Variants in SMYD3 observed in about 807,000 individuals in gnomAD.
SMYD3 encodes the protein histone-lysine N-methyltransferase SMYD3.
In SMYD3, 36 loss-of-function variants were observed where a neutral mutation model predicts 57.7. The observed-to-expected ratio is 0.62, with a 90% CI of 0.48 to 0.82. The LOEUF is 0.82. SMYD3 is among the 40% of genes least tolerant of loss of function. SMYD3 has a pLI of 0.00. For synonymous variants in SMYD3, 211 were observed against 195.0 expected, an observed-to-expected ratio of 1.08 and a Z score of -0.68; for missense variants, 515 against 538.8, an observed-to-expected ratio of 0.96 and a Z score of 0.44.
intron 1 of SMYD3, among the ~76,000 whole-genome samples, chr1:246,448,412 A>T (rs1229547175): frequency 6.6e-6 from 1 of 152,212 alleles, no homozygotes; most frequent in Non-Finnish European, 1.5e-5. Context: ...CAGAACTTTG[A>T]ATATGTTATA....
At chr1:246,239,747 C>T (rs1233276486) in intron 5 of SMYD3, among the ~76,000 whole-genome samples, 1 of 151,782 alleles carries the variant, frequency 6.6e-6, no homozygotes, top group African/African-American at 2.4e-5. Context: ...TCTTCTCCAG[C>T]ACCTGTTGTT....
intron 5 of SMYD3, among the ~76,000 whole-genome samples, chr1:245,936,363 A>ATTT (rs34105057): frequency 1.1e-3 from 164 of 148,982 alleles, no homozygotes; most frequent in Admixed American, 1.7e-3. Context: ...ACGTAATCTT[A>ATTT]TTTTTTTTTT....
At chr1:246,454,991 T>G (rs1192476475) in intron 1 of SMYD3, among the ~76,000 whole-genome samples, 3 of 152,186 alleles carry the variant, frequency 2.0e-5, no homozygotes, top group Non-Finnish European at 2.9e-5. Flanking sequence ...ACAACAAATT[T>G]ATAACTGAAG....
rs142987465 is a variant in SMYD3 at position 245,812,111 on chromosome 1, C to T, written c.1076+46385G>A. On this transcript the variant is annotated intron_variant, in intron 10 of 11. Coordinates refer to ENST00000490107, the MANE Select transcript of SMYD3 (RefSeq NM_001167740.2). Reference sequence around the variant, plus strand: ...TGAGATTGGCATGATCTCCGGGATACGAGTCTGCAGGCCACATCAGCCAGT... The same window carrying T: ...TGAGATTGGCATGATCTCCGGGATATGAGTCTGCAGGCCACATCAGCCAGT... Among the ~76,000 whole-genome samples, 494 of 152,212 alleles carry T rather than the reference C, an allele frequency of 3.2e-3. 2 individuals carry two copies. Among genetic ancestry groups the T allele is most frequent in the African/African-American group, 0.011 (443 of 41,514 alleles).
At chr1:246,433,386 C>A (rs917138420) in intron 1 of SMYD3, among the ~76,000 whole-genome samples, 1 of 152,182 alleles carries the variant, frequency 6.6e-6, no homozygotes, top group Admixed American at 6.5e-5. Flanking sequence ...TGGCCACACT[C>A]GCGGTGGCTC....
chr1:246,453,043 T>C (rs550718655), intron 1 of SMYD3, among the ~76,000 whole-genome samples: 1 of 152,406 alleles, frequency 6.6e-6, no homozygotes, highest in South Asian at 2.1e-4. Flanking sequence ...CAGTGCTTAC[T>C]ATATGTCAGA....
At chr1:245,950,550 T>G (rs2057593247) in intron 5 of SMYD3, among the ~76,000 whole-genome samples, 1 of 152,234 alleles carries the variant, frequency 6.6e-6, no homozygotes, top group Admixed American at 6.5e-5. Context: ...TCTGGCCTTC[T>G]TGACTCTTAA....
At chr1:246,476,808 T>G (rs539587051) in intron 1 of SMYD3, among the ~76,000 whole-genome samples, 3 of 152,360 alleles carry the variant, frequency 2.0e-5, no homozygotes, top group African/African-American at 4.8e-5. Flanking sequence ...TTTTCTTTTT[T>G]GCAGACAAGC....
chr1:246,034,295 T>C (rs1266478211), intron 5 of SMYD3, among the ~76,000 whole-genome samples: 1 of 152,192 alleles, frequency 6.6e-6, no homozygotes, highest in Non-Finnish European at 1.5e-5. Context: ...GGAAGTATTA[T>C]TTCACGCTAA....
intron 3 of SMYD3, among the ~76,000 whole-genome samples, chr1:246,332,098 G>A (rs1416698162): frequency 6.6e-6 from 1 of 152,160 alleles, no homozygotes; most frequent in Non-Finnish European, 1.5e-5. Context: ...GTGAAAGGAC[G>A]AGTCACACAT....
chr1:246,169,381 CAAAAAAAA>C (rs55719556), intron 5 of SMYD3, among the ~76,000 whole-genome samples: 11 of 61,884 alleles, frequency 1.8e-4, no homozygotes, highest in African/African-American at 3.2e-4. Flanking sequence ...GACTTTCTTT[CAAAAAAAA>C]AAAAAAAAAA....
chr1:246,031,762 GA>G lies in SMYD3; in HGVS notation c.532-101826del, dbSNP rs371989373. 5.8e-4 allele frequency among the ~76,000 whole-genome samples: 87 copies of G among 150,600 alleles called. 1 individual carries two copies. Among genetic ancestry groups the G allele is most frequent in the African/African-American group, 2.0e-3 (80 of 40,904 alleles). ...GAAAAAAAAAAAAAAAGTTAGTGAAGAAGCTGATTTCAAAGGGTTTTACTGC... is the reference window on the plus strand; with the variant it reads ...GAAAAAAAAAAAAAAAGTTAGTGAAGAGCTGATTTCAAAGGGTTTTACTGC... On this transcript the variant is annotated intron_variant, in intron 5 of 11. Coordinates refer to ENST00000490107, the MANE Select transcript of SMYD3 (RefSeq NM_001167740.2).
intron 1 of SMYD3, among the ~76,000 whole-genome samples, chr1:246,485,773 G>C (rs372801473): frequency 1.1e-4 from 17 of 152,122 alleles, no homozygotes; most frequent in Admixed American, 7.2e-4. Context: ...CTGGGCAACA[G>C]AGCAACACTC....
chr1:246,470,613 CTATA>C (rs913264301), intron 1 of SMYD3, among the ~76,000 whole-genome samples: 5 of 149,424 alleles, frequency 3.3e-5, no homozygotes, highest in East Asian at 3.9e-4. Context: ...TATACACACA[CTATA>C]TATATACACA....
intron 5 of SMYD3, among the ~76,000 whole-genome samples, chr1:246,165,658 G>A (rs1359285841): frequency 6.6e-6 from 1 of 152,194 alleles, no homozygotes; most frequent in East Asian, 1.9e-4. Context: ...AGGCCACCAT[G>A]TACCAGTCAC....
chr1:246,489,351 C>CA (rs949802558), intron 1 of SMYD3, among the ~76,000 whole-genome samples: 1 of 151,266 alleles, frequency 6.6e-6, no homozygotes, highest in Admixed American at 6.6e-5. Flanking sequence ...GACTCCATCT[C>CA]AAAAAAAATA....
chr1:245,960,552 A>T (rs564419219), intron 5 of SMYD3, among the ~76,000 whole-genome samples: 3 of 152,102 alleles, frequency 2.0e-5, no homozygotes, highest in African/African-American at 7.2e-5. Flanking sequence ...GAAAACCCCC[A>T]TCTCTACGAA....
At chr1:246,352,125 A>G in intron 2 of SMYD3, among the ~76,000 whole-genome samples, 1 of 132,104 alleles carries the variant, frequency 7.6e-6, no homozygotes, top group South Asian at 2.9e-4. Context: ...CAGCAGACTA[A>G]GACTCTGTCT....
chr1:246,461,473 T>C (rs1017427053), intron 1 of SMYD3, among the ~76,000 whole-genome samples: 1 of 152,148 alleles, frequency 6.6e-6, no homozygotes, highest in African/African-American at 2.4e-5. Context: ...ATCATAAACA[T>C]GTTTCTATAG....
Sources: allele counts gnomAD v4.1 joint callset (sites outside exome capture counted in the v4.1 genomes callset), GRCh38; gene constraint gnomAD v4.1.1; transcripts MANE v1.5; gene names NCBI Gene and HGNC (gene_info 2026-07-23, HGNC 2026-07-21).